The following CSMD3 variants were observed in gnomAD, a reference collection of about 807,000 sequenced individuals.
CSMD3 encodes CUB and sushi domain-containing protein 3.
In CSMD3, 177 loss-of-function variants were observed where a neutral mutation model predicts 435.2. The observed-to-expected ratio is 0.41, with a 90% CI of 0.36 to 0.46. The LOEUF (loss-of-function observed/expected upper bound fraction) is 0.46. Ranked by LOEUF, CSMD3 falls within the 20% of genes least tolerant of loss-of-function variation. The pLI, the probability that CSMD3 is intolerant of heterozygous loss-of-function variation, is 0.34. For missense variants in CSMD3, 4,265 were observed against 4,504.6 expected (o/e 0.95, Z 1.52); for synonymous variants, 1,656 against 1,520.5 (o/e 1.09, Z -2.07).
intron 5 of CSMD3, among the ~76,000 whole-genome samples, chr8:113,094,651 T>C (rs1305399071): frequency 6.6e-6 from 1 of 152,230 alleles, no homozygotes; most frequent in Admixed American, 6.5e-5. Flanking sequence ...TAATCTATTG[T>C]ATATTTCAAA....
chr8:112,486,738 C>T (rs531021939), intron 31 of CSMD3, among the ~76,000 whole-genome samples: 2 of 152,114 alleles, frequency 1.3e-5, no homozygotes, highest in Admixed American at 6.6e-5. Context: ...ACCCTGATCT[C>T]TCTTCACAGC....
rs760822398 is a variant in CSMD3 at position 112,921,724 on chromosome 8, A to C, written c.1536T>G (p.Cys512Trp). The C allele has an allele frequency of 1.2e-6, 2 of 1,610,412 alleles. No individual in the cohort carries two copies. Among genetic ancestry groups the C allele is most frequent in the Admixed American group, 1.7e-5 (1 of 59,906 alleles). Residue 512 changes from cysteine (C) to tryptophan (W), a missense_variant, in exon 10 of 71, where the codon TGT becomes TGG. Around this residue, in one of 3 missense-constraint regions of CSMD3, gnomAD observed 731 missense variants for 755.4 expected, o/e 0.97. Transcript: ENST00000297405. ...CGCCCTGTAGGACATAATCTTCATCACAAGAGAACTGCACAGTTGATCCAA... is the reference window on the plus strand; with the variant it reads ...CGCCCTGTAGGACATAATCTTCATCCCAAGAGAACTGCACAGTTGATCCAA... ...FSLGSTVQFS[C>W]DEDYVLQGAK...
At chr8:112,647,299 T>C (rs1346361426) in intron 19 of CSMD3, among the ~76,000 whole-genome samples, 1 of 143,646 alleles carries the variant, frequency 7.0e-6, no homozygotes, top group African/African-American at 2.6e-5. Flanking sequence ...CATTTTCAAA[T>C]CACTTTTTTT....
chr8:113,264,461 C>G (rs2093452130), intron 3 of CSMD3, among the ~76,000 whole-genome samples: 1 of 150,914 alleles, frequency 6.6e-6, no homozygotes, highest in Non-Finnish European at 1.5e-5. Flanking sequence ...TAAGTTTGAT[C>G]ACTTTATTTC....
At chr8:112,935,498 G>A (rs1183862097) in intron 9 of CSMD3, among the ~76,000 whole-genome samples, 1 of 152,022 alleles carries the variant, frequency 6.6e-6, no homozygotes, top group Non-Finnish European at 1.5e-5. Flanking sequence ...GCTATGGTTA[G>A]TATAGACACT....
intron 3 of CSMD3, among the ~76,000 whole-genome samples, chr8:113,229,831 T>A (rs893691336): frequency 6.6e-6 from 1 of 151,628 alleles, no homozygotes; most frequent in Non-Finnish European, 1.5e-5. Flanking sequence ...GATAGGTTAC[T>A]TGCCCTCATC....
chr8:113,249,714 A>T (rs1041515275), intron 3 of CSMD3, among the ~76,000 whole-genome samples: 1 of 152,066 alleles, frequency 6.6e-6, no homozygotes, highest in Admixed American at 6.6e-5. Context: ...GAGCTCCCAA[A>T]ACTGTTACAT....
chr8:113,288,541 G>T lies in CSMD3; in HGVS notation c.402-9837C>A, dbSNP rs182808057. Among the ~76,000 whole-genome samples the T allele has an allele frequency of 2.3e-4, 35 of 151,786 alleles. No individual in the cohort carries two copies. In the East Asian group the frequency reaches 5.6e-3, roughly 24 times the overall value. On this transcript the variant is annotated intron_variant, in intron 2 of 70. Transcript: ENST00000297405. Reference sequence around the variant, plus strand: ...TTATTTTTTCCATTGAATAACTGACGTTTAAGGTTATACATGACTGTAATT... The same window carrying T: ...TTATTTTTTCCATTGAATAACTGACTTTTAAGGTTATACATGACTGTAATT...
At chr8:112,895,736 G>T (rs1310361865) in intron 10 of CSMD3, among the ~76,000 whole-genome samples, 1 of 151,380 alleles carries the variant, frequency 6.6e-6, no homozygotes, top group East Asian at 2.0e-4. Context: ...AACTTAAATT[G>T]AAGATGATGG....
At chr8:112,296,280 C>A (rs1050855539) in intron 53 of CSMD3, among the ~76,000 whole-genome samples, 3 of 151,908 alleles carry the variant, frequency 2.0e-5, no homozygotes, top group Non-Finnish European at 4.4e-5. Flanking sequence ...AGGCTGGGCA[C>A]GGTGGTTCAC....
At chr8:113,112,580 GC>G (rs1380696416) in intron 4 of CSMD3, among the ~76,000 whole-genome samples, 1 of 151,106 alleles carries the variant, frequency 6.6e-6, no homozygotes, top group Non-Finnish European at 1.5e-5. Context: ...TTCCTAGAAA[GC>G]CCAGTTCTTG....
At chr8:113,352,342 T>C (rs189388811) in intron 1 of CSMD3, among the ~76,000 whole-genome samples, 35 of 152,140 alleles carry the variant, frequency 2.3e-4, no homozygotes, top group Non-Finnish European at 1.5e-4. Flanking sequence ...GGTATTATTC[T>C]GTCACAAACC....
chr8:113,130,241 G>T (rs1268403666), intron 4 of CSMD3, among the ~76,000 whole-genome samples: 1 of 152,092 alleles, frequency 6.6e-6, no homozygotes. Flanking sequence ...ATGATCAATA[G>T]GACTTTGTCA....
chr8:112,363,758 G>C (rs1339304487), intron 38 of CSMD3, among the ~76,000 whole-genome samples: 1 of 151,992 alleles, frequency 6.6e-6, no homozygotes, highest in Non-Finnish European at 1.5e-5. Context: ...AAATCTGTAA[G>C]GGCTTTATAG....
intron 4 of CSMD3, among the ~76,000 whole-genome samples, chr8:113,157,633 TGAA>T (rs1220306500): frequency 6.6e-6 from 1 of 152,100 alleles, no homozygotes; most frequent in Non-Finnish European, 1.5e-5. Context: ...TTGATAGAGT[TGAA>T]GAAAACAATG....
chr8:112,979,624 C>T (rs1248206804), intron 6 of CSMD3, among the ~76,000 whole-genome samples: 2 of 151,424 alleles, frequency 1.3e-5, no homozygotes, highest in African/African-American at 4.8e-5. Flanking sequence ...GGATACTTTA[C>T]TTTCATTTTT....
chr8:112,241,962 A>G (rs191644559), intron 65 of CSMD3, among the ~76,000 whole-genome samples, 177 bp from the exon 66 acceptor site: 21 of 152,076 alleles, frequency 1.4e-4, no homozygotes, highest in Middle Eastern at 3.4e-3. Flanking sequence ...TCAGTCCCCT[A>G]CTCAGCACTC....
chr8:112,231,598 A>C lies in CSMD3; in HGVS notation c.10775T>G (p.Phe3592Cys). 3 of 1,612,412 alleles carry C rather than the reference A, an allele frequency of 1.9e-6. No homozygotes were observed. The highest frequency in any genetic ancestry group is 2.5e-6 in the Non-Finnish European group (3 of 1,178,660). Residue 3592 changes from phenylalanine (F) to cysteine (C), a missense_variant, in exon 69 of 71, where the codon TTT (phenylalanine) becomes TGT (cysteine). Transcript: ENST00000297405. The stretch of plus-strand genomic sequence containing the variant: ...ATCTTTGCCTTGAATAAATCCTTGA[A>C]ATACATAAGTAGCTCCATCAGGCTC... ...SAEPDGATYV[F>C]QGFIQGKDYG...
chr8:113,323,651 T>C (rs2093963786), intron 1 of CSMD3, among the ~76,000 whole-genome samples: 1 of 152,180 alleles, frequency 6.6e-6, no homozygotes, highest in Non-Finnish European at 1.5e-5. Flanking sequence ...TCAAGAGAAA[T>C]AGTGGGTAAA....
Sources: allele counts gnomAD v4.1 joint callset (sites outside exome capture counted in the v4.1 genomes callset), GRCh38; gene constraint gnomAD v4.1.1; regional missense constraint gnomAD v4.1.1; transcripts MANE v1.5; gene names NCBI Gene and HGNC (gene_info 2026-07-23, HGNC 2026-07-21).